Variants in EPHA3 observed in about 807,000 individuals in gnomAD.
The protein encoded by EPHA3 is ephrin type-A receptor 3.
Under a neutral mutation model 107.1 loss-of-function variants are expected in EPHA3, and 42 were observed. The observed-to-expected ratio is 0.39, with a 90% confidence interval of 0.31 to 0.51. The LOEUF is 0.51. Among genes scored for constraint, EPHA3 ranks in the 20% least tolerant of loss-of-function variants. The pLI is 0.78. For synonymous variants in EPHA3, 461 were observed against 424.8 expected, an observed-to-expected ratio of 1.09 and a Z score of -1.05; for missense variants, 1,183 against 1,211.2, an observed-to-expected ratio of 0.98 and a Z score of 0.35.
In EPHA3 at chr3:89,118,857, A is replaced by C. The variant is rs566987997; in HGVS notation, c.89-8352A>C. On this transcript the variant is annotated intron_variant, in intron 1 of 16. Transcript: ENST00000336596. ...AAATGAATCTAAAATAAATACTTAT[A>C]TAAAAATTGTTATAACATAGATATG... Among the ~76,000 whole-genome samples the C allele has an allele frequency of 3.3e-5, 5 of 152,176 alleles. No homozygotes were observed. The South Asian group carries it at 1.0e-3, about 32-fold the overall frequency.
chr3:89,257,286 A>C (rs1330782547), intron 3 of EPHA3, among the ~76,000 whole-genome samples: 1 of 152,168 alleles, frequency 6.6e-6, no homozygotes, highest in Non-Finnish European at 1.5e-5. Flanking sequence ...AACGTTAAAA[A>C]ATCCAAACAC....
intron 3 of EPHA3, among the ~76,000 whole-genome samples, chr3:89,292,647 C>T (rs73846130): frequency 2.0e-5 from 3 of 152,048 alleles, no homozygotes; most frequent in Non-Finnish European, 4.4e-5. Flanking sequence ...CTATAGAAAG[C>T]ATTAGCATAT....
intron 13 of EPHA3, among the ~76,000 whole-genome samples, chr3:89,445,835 C>G (rs1278779897): frequency 2.0e-5 from 3 of 152,048 alleles, no homozygotes; most frequent in Admixed American, 2.0e-4. Context: ...ACAATGTGGC[C>G]AAGATACTTT....
chr3:89,318,888 C>T (rs1337351809), intron 3 of EPHA3, among the ~76,000 whole-genome samples: 1 of 151,846 alleles, frequency 6.6e-6, no homozygotes, highest in Non-Finnish European at 1.5e-5. Context: ...GAAATCAGAA[C>T]ACACACACAT....
chr3:89,449,209 G>T lies in EPHA3; in HGVS notation c.2347-16G>T, dbSNP rs1709938533. ...ATGCATTGCTGATTTATGTAGACAT[G>T]ATTTTATATTCAAAGGGAGGGAAGA... On this transcript the variant is annotated splice_polypyrimidine_tract_variant and intron_variant, in intron 13 of 16. Coordinates refer to ENST00000336596, the MANE Select transcript of EPHA3 (RefSeq NM_005233.6). 6.3e-7 allele frequency: 1 copy of T among 1,596,476 alleles called. No homozygotes were observed. The highest frequency in any genetic ancestry group is 1.7e-5 in the Admixed American group (1 of 59,560).
intron 1 of EPHA3, among the ~76,000 whole-genome samples, chr3:89,115,015 A>G (rs1053209749): frequency 2.0e-5 from 3 of 152,044 alleles, no homozygotes; most frequent in African/African-American, 7.2e-5. Context: ...TCTCTTTTCC[A>G]TCCATTTTCA....
rs1367153884 is a variant in EPHA3 at position 89,364,756 on chromosome 3, T to C, written c.1306+22666T>C. Among the ~76,000 whole-genome samples the C allele has an allele frequency of 3.3e-5, 5 of 151,152 alleles. 1 individual carries two copies. Among genetic ancestry groups the C allele is most frequent in the Admixed American group, 2.7e-4 (4 of 15,094 alleles). ...TAATTCTAAAGAATTATGTTAAACC[T>C]GCTGAAGAGTAATGCTGAGATGGCC... On this transcript the variant is annotated intron_variant, in intron 5 of 16. Transcript: ENST00000336596.
At chr3:89,451,880 C>A (rs1321016003) in intron 15 of EPHA3, among the ~76,000 whole-genome samples, 1 of 144,270 alleles carries the variant, frequency 6.9e-6, no homozygotes, top group Non-Finnish European at 1.5e-5. Context: ...TCAAGCAGGG[C>A]GTGTGTGTGT....
rs566786351 is a variant in EPHA3, at chr3:89,376,516, C to T, written c.1307-19321C>T. Among the ~76,000 whole-genome samples the T allele has an allele frequency of 2.6e-5, 4 of 151,938 alleles. No individual in the cohort carries two copies. The South Asian group carries it at 8.3e-4, about 32-fold the overall frequency. On this transcript the variant is annotated intron_variant, in intron 5 of 16. Transcript: ENST00000336596. ...ATATCAACTGTGAATAAATGATTTT[C>T]TAACTGGTGTAGGGTTTCTGATGAT...
chr3:89,201,403 A>C (rs1277424655), intron 2 of EPHA3, among the ~76,000 whole-genome samples: 1 of 152,222 alleles, frequency 6.6e-6, no homozygotes, highest in Admixed American at 6.5e-5. Context: ...GAATAAATGA[A>C]TACAAATTAT....
At chr3:89,132,556 A>G (rs754881730) in intron 2 of EPHA3, among the ~76,000 whole-genome samples, 46 of 152,154 alleles carry the variant, frequency 3.0e-4, no homozygotes, top group Non-Finnish European at 6.0e-4. Context: ...TCTACCACTT[A>G]TTATATAATC....
In EPHA3 at chr3:89,480,160, T is replaced by A. The variant is rs1433257732; in HGVS notation, c.*658T>A. The A allele has an allele frequency of 8.6e-6, 2 of 233,006 alleles. No individual in the cohort carries two copies. Among genetic ancestry groups the A allele is most frequent in the East Asian group, 1.2e-4 (2 of 16,420 alleles). 14.4% of individuals were successfully genotyped at this position (233,006 alleles called of 1,614,324 possible). On this transcript the variant is annotated 3_prime_UTR_variant, in exon 17 of 17. Coordinates refer to ENST00000336596, the MANE Select transcript of EPHA3 (RefSeq NM_005233.6). ...ATATTTATTTTCTTTTGAATTGTTT[T>A]TATTGTTTTCTATTTATGCCTTGAT...
intron 3 of EPHA3, among the ~76,000 whole-genome samples, chr3:89,299,394 A>G (rs889456898): frequency 6.6e-6 from 1 of 152,056 alleles, no homozygotes; most frequent in African/African-American, 2.4e-5. Flanking sequence ...TTTAAGATGA[A>G]TGAAATTTTA....
intron 2 of EPHA3, among the ~76,000 whole-genome samples, chr3:89,159,816 C>A (rs1422268863): frequency 6.6e-6 from 1 of 151,930 alleles, no homozygotes; most frequent in African/African-American, 2.4e-5. Flanking sequence ...TAGCTTCACA[C>A]GGTGATTTAT....
intron 13 of EPHA3, among the ~76,000 whole-genome samples, chr3:89,438,921 T>C (rs1322143532): frequency 6.6e-6 from 1 of 152,122 alleles, no homozygotes; most frequent in African/African-American, 2.4e-5. Flanking sequence ...GAGAGATGAG[T>C]AGCATGAACA....
chr3:89,177,927 T>A (rs1401076635), intron 2 of EPHA3, among the ~76,000 whole-genome samples: 1 of 152,166 alleles, frequency 6.6e-6, no homozygotes, highest in Non-Finnish European at 1.5e-5. Flanking sequence ...CACTCAGAAT[T>A]TTCCAAAGAA....
chr3:89,392,901 T>C (rs1708773839), intron 5 of EPHA3, among the ~76,000 whole-genome samples: 1 of 152,134 alleles, frequency 6.6e-6, no homozygotes, highest in South Asian at 2.1e-4. Context: ...AATTAAAAAG[T>C]ATTCTAGAAA....
chr3:89,398,349 T>C (rs1266283078), intron 6 of EPHA3, among the ~76,000 whole-genome samples: 2 of 152,184 alleles, frequency 1.3e-5, no homozygotes, highest in Non-Finnish European at 2.9e-5. Flanking sequence ...AATTCAATTT[T>C]TGTAAACAAA....
intron 5 of EPHA3, among the ~76,000 whole-genome samples, chr3:89,370,519 AG>A (rs965037781): frequency 7.0e-6 from 1 of 142,692 alleles, no homozygotes; most frequent in Non-Finnish European, 1.5e-5. Context: ...GGGTGGGAGG[AG>A]GGGGGAGGGA....
Sources: allele counts gnomAD v4.1 joint callset (sites outside exome capture counted in the v4.1 genomes callset), GRCh38; gene constraint gnomAD v4.1.1; transcripts MANE v1.5; gene names NCBI Gene and HGNC (gene_info 2026-07-23, HGNC 2026-07-21).